The following MAP2K4 variants were observed in gnomAD, a reference collection of about 807,000 sequenced individuals.
MAP2K4 encodes the protein mitogen-activated protein kinase kinase 4.
MAP2K4 carries 4 observed loss-of-function variants against 48.5 expected under a neutral mutation model. The ratio of observed to expected loss-of-function variants is 0.08; its 90% confidence interval spans 0.04 to 0.19. The LOEUF (loss-of-function observed/expected upper bound fraction) is 0.19. MAP2K4 is among the 10% of genes least tolerant of loss of function. The probability of loss-of-function intolerance (pLI) is 1.00; values close to 1 mark genes in which losing one functional copy is unlikely to be tolerated. For missense variants in MAP2K4, 258 were observed against 493.3 expected (o/e 0.52, Z 4.52); for synonymous variants, 166 against 173.1 (o/e 0.96, Z 0.32).
intron 3 of MAP2K4, among the ~76,000 whole-genome samples, chr17:12,087,794 C>T (rs1179277090): frequency 6.6e-6 from 1 of 151,976 alleles, no homozygotes; most frequent in Admixed American, 6.6e-5. Flanking sequence ...TATTTTTTCA[C>T]AGGAAAGAAA....
chr17:12,021,753 A>AG (rs1400658419), intron 1 of MAP2K4, among the ~76,000 whole-genome samples: 7 of 151,794 alleles, frequency 4.6e-5, no homozygotes, highest in East Asian at 3.9e-4. Flanking sequence ...AAAAAAAAAA[A>AG]AAGAAGACTT....
rs527617040 is a variant in MAP2K4, at chr17:12,080,571, C to T, written c.219-785C>T. Among the ~76,000 whole-genome samples, 50 of 152,164 alleles carry T rather than the reference C, an allele frequency of 3.3e-4. No homozygotes were observed. In the South Asian group the frequency reaches 9.5e-3, roughly 29 times the overall value. ...TGTAATGAGTGAGCTCTTTTGTCTACGAGCCACTCATTTTTTATCCCATTG... is the reference window on the plus strand; with the variant it reads ...TGTAATGAGTGAGCTCTTTTGTCTATGAGCCACTCATTTTTTATCCCATTG... On this transcript the variant is annotated intron_variant, in intron 2 of 10. Coordinates refer to ENST00000353533, the MANE Select transcript of MAP2K4 (RefSeq NM_003010.4).
At chr17:12,125,258 G>A (rs2151587470) in intron 7 of MAP2K4, 36 bp from the exon 8 acceptor site, 5 of 1,528,094 alleles carry the variant, frequency 3.3e-6, no homozygotes, top group Non-Finnish European at 4.5e-6. Flanking sequence ...TTGAGTGTAA[G>A]GCAATTAATA....
At chr17:12,136,719 C>T (rs1044392778) in intron 9 of MAP2K4, among the ~76,000 whole-genome samples, 1 of 152,110 alleles carries the variant, frequency 6.6e-6, no homozygotes, top group African/African-American at 2.4e-5. Context: ...CAAATAGCAT[C>T]ATAAGTTTAT....
At chr17:12,033,708 T>C (rs1442765265) in intron 1 of MAP2K4, among the ~76,000 whole-genome samples, 10 of 152,258 alleles carry the variant, frequency 6.6e-5, no homozygotes, top group Admixed American at 2.6e-4. Flanking sequence ...TGATAATTTT[T>C]AGCTTTGACT....
chr17:12,125,758 G>GTATA (rs1417003599), intron 8 of MAP2K4, among the ~76,000 whole-genome samples: 2 of 152,172 alleles, frequency 1.3e-5, no homozygotes, highest in African/African-American at 4.8e-5. Flanking sequence ...CAGTAATACT[G>GTATA]TATATAGTGT....
intron 1 of MAP2K4, among the ~76,000 whole-genome samples, chr17:12,040,952 A>G (rs1235854031): frequency 6.6e-6 from 1 of 152,218 alleles, no homozygotes; most frequent in South Asian, 2.1e-4. Context: ...ATAATGTTCT[A>G]CAACTAATTT....
rs1023659409 is a variant in MAP2K4, at chr17:12,062,853, G to A, written c.218+7862G>A. On this transcript the variant is annotated intron_variant, in intron 2 of 10. Coordinates refer to ENST00000353533, the MANE Select transcript of MAP2K4 (RefSeq NM_003010.4). The stretch of plus-strand genomic sequence containing the variant: ...TGTGGGGATTTTTCTTTTTCCCCAC[G>A]TTCTGAAATCTTGCTGTGTTTGCAT... Among the ~76,000 whole-genome samples, 4 of 151,552 alleles carry A rather than the reference G, an allele frequency of 2.6e-5. No individual in the cohort carries two copies. The East Asian group carries it at 5.8e-4, about 22-fold the overall frequency.
chr17:12,072,828 A>G (rs567292066), intron 2 of MAP2K4, among the ~76,000 whole-genome samples: 109 of 152,320 alleles, frequency 7.2e-4, no homozygotes, highest in African/African-American at 2.3e-3. Context: ...ACATGTTTAA[A>G]TAAGTGTCTC....
chr17:12,056,956 A>G lies in MAP2K4; in HGVS notation c.218+1965A>G, dbSNP rs143481363. 2.7e-3 allele frequency among the ~76,000 whole-genome samples: 410 copies of G among 152,278 alleles called. 1 individual carries two copies. Among genetic ancestry groups the G allele is most frequent in the Non-Finnish European group, 4.1e-3 (277 of 67,990 alleles). ...TGAACTTTAATAATTACAGATGTGA[A>G]TATAAAACTTGTTCATGAATTTAGG... On this transcript the variant is annotated intron_variant, in intron 2 of 10. Coordinates refer to ENST00000353533, the MANE Select transcript of MAP2K4 (RefSeq NM_003010.4).
chr17:12,084,013 C>A (rs1260096073), intron 3 of MAP2K4, among the ~76,000 whole-genome samples: 1 of 152,190 alleles, frequency 6.6e-6, no homozygotes, highest in African/African-American at 2.4e-5. Flanking sequence ...AGATGTTAAG[C>A]TGGAAATGAT....
At chr17:12,125,500 T>A in intron 8 of MAP2K4, 129 bp downstream of exon 8, 1 of 686,974 alleles carries the variant, frequency 1.5e-6, no homozygotes. Flanking sequence ...TTTAAGTTGC[T>A]GAAAAAAAAA....
At position 12,058,227 on chromosome 17, in the gene MAP2K4, C is replaced by CTT. The variant is rs144800120; in HGVS notation, c.218+3254_218+3255dup. ...GAAAAGTGGAATTAACTAGACCTTT[C>CTT]TTTTTTTTTTTTTTTTTTTAAGTGG... On this transcript the variant is annotated intron_variant, in intron 2 of 10. Coordinates refer to ENST00000353533, the MANE Select transcript of MAP2K4 (RefSeq NM_003010.4). Among the ~76,000 whole-genome samples the CTT allele has an allele frequency of 5.2e-4, 67 of 130,062 alleles. 1 individual carries two copies. Among genetic ancestry groups the CTT allele is most frequent in the African/African-American group, 1.2e-3 (42 of 34,904 alleles). 85.3% of individuals were successfully genotyped at this position (130,062 alleles called of 152,430 possible).
intron 3 of MAP2K4, among the ~76,000 whole-genome samples, chr17:12,083,970 C>T (rs1355587197): frequency 6.6e-6 from 1 of 152,174 alleles, no homozygotes; most frequent in Non-Finnish European, 1.5e-5. Context: ...CATCTTAATA[C>T]ACACTTTGAG....
intron 3 of MAP2K4, among the ~76,000 whole-genome samples, chr17:12,088,869 G>A (rs1597455363): frequency 6.7e-6 from 1 of 150,346 alleles, no homozygotes; most frequent in Non-Finnish European, 1.5e-5. Context: ...CATATAATTG[G>A]ACAGGACAAT....
chr17:12,031,610 G>A (rs1028637848), intron 1 of MAP2K4, among the ~76,000 whole-genome samples: 1 of 152,118 alleles, frequency 6.6e-6, no homozygotes, highest in African/African-American at 2.4e-5. Context: ...GATCCAACTG[G>A]ATTTGAAAAT....
intron 9 of MAP2K4, among the ~76,000 whole-genome samples, chr17:12,138,791 A>C (rs549085670): frequency 6.6e-6 from 1 of 152,194 alleles, no homozygotes; most frequent in Admixed American, 6.5e-5. Flanking sequence ...GAAGAAGTTC[A>C]GTTGCAGTGC....
chr17:12,028,032 T>C (rs1969317418), intron 1 of MAP2K4, among the ~76,000 whole-genome samples: 1 of 152,162 alleles, frequency 6.6e-6, no homozygotes, highest in African/African-American at 2.4e-5. Context: ...TTAGATATAT[T>C]TTCCCATTTA....
chr17:12,065,056 C>T (rs939396910), intron 2 of MAP2K4, among the ~76,000 whole-genome samples: 2 of 151,968 alleles, frequency 1.3e-5, no homozygotes, highest in Non-Finnish European at 2.9e-5. Context: ...AGGAGATTGA[C>T]AAGAATGGCA....
Sources: allele counts gnomAD v4.1 joint callset (sites outside exome capture counted in the v4.1 genomes callset), GRCh38; gene constraint gnomAD v4.1.1; transcripts MANE v1.5; gene names NCBI Gene and HGNC (gene_info 2026-07-23, HGNC 2026-07-21).